AMD1: variants seen among roughly 807,000 people sequenced by gnomAD.
AMD1 encodes the protein adenosylmethionine decarboxylase 1.
Under a neutral mutation model 40.2 loss-of-function variants are expected in AMD1, and 11 were observed. The observed-to-expected ratio is 0.27, with a 90% CI of 0.17 to 0.45. AMD1 has a LOEUF of 0.45. AMD1 is among the 20% of genes least tolerant of loss of function. The probability of loss-of-function intolerance (pLI) is 1.00; values close to 1 mark genes in which losing one functional copy is unlikely to be tolerated. For synonymous variants in AMD1, 121 were observed against 130.8 expected, an observed-to-expected ratio of 0.93 and a Z score of 0.51; for missense variants, 257 against 410.2, an observed-to-expected ratio of 0.63 and a Z score of 3.23.
chr6:110,890,462 A>G (rs966960978), intron 4 of AMD1, 106 bp downstream of exon 4: 5 of 780,930 alleles, frequency 6.4e-6, no homozygotes, highest in Non-Finnish European at 8.4e-6. Flanking sequence ...AGCATTCTAC[A>G]CACACTAATA....
At position 110,892,748 on chromosome 6, in the gene AMD1, G is replaced by A. The variant is rs377343561; in HGVS notation, c.629G>A (p.Arg210His). 9.3e-6 allele frequency: 15 copies of A among 1,612,462 alleles called. No homozygotes were observed. In the African/African-American group the frequency reaches 1.2e-4, roughly 13 times the overall value. ...TTCCCCCCCCAGGAGAGTGGAATTCGTGACCTGATACCAGGTTCTGTCATT... is the reference window on the plus strand; with the variant it reads ...TTCCCCCCCCAGGAGAGTGGAATTCATGACCTGATACCAGGTTCTGTCATT... ...AKDVTRESGI[R>H]DLIPGSVIDA... is the part of the protein sequence containing the mutation. The change falls in exon 7 of 9, where the codon CGT (arginine) becomes CAT (histidine). Residue 210 changes from arginine to histidine, a missense_variant. Arg to His is a conservative substitution (Grantham distance 29, BLOSUM62 0). Transcript: ENST00000368885.
upstream of AMD1, among the ~76,000 whole-genome samples, chr6:110,873,446 A>G (rs966565564): frequency 6.6e-6 from 1 of 152,248 alleles, no homozygotes; most frequent in Admixed American, 6.5e-5. Context: ...GAGACACGTG[A>G]ACCACGTTCT....
the AMD1 span, among the ~76,000 whole-genome samples, chr6:110,828,001 C>G: frequency 6.6e-6 from 1 of 152,166 alleles, no homozygotes; most frequent in African/African-American, 2.4e-5. Context: ...ATAATACACA[C>G]AGTAACACAA....
the AMD1 span, among the ~76,000 whole-genome samples, chr6:110,841,322 C>T: frequency 6.6e-6 from 1 of 152,164 alleles, no homozygotes; most frequent in Non-Finnish European, 1.5e-5. Flanking sequence ...TTCAAGCCTC[C>T]TTGCTTTGTG....
intron 1 of AMD1, among the ~76,000 whole-genome samples, chr6:110,876,171 A>G (rs2115269660): frequency 6.6e-6 from 1 of 152,310 alleles, no homozygotes; most frequent in East Asian, 1.9e-4. Context: ...TTTAGTTGGT[A>G]TTGCTGTGGA....
chr6:110,819,431 A>T, the AMD1 span, among the ~76,000 whole-genome samples: 1 of 152,194 alleles, frequency 6.6e-6, no homozygotes, highest in African/African-American at 2.4e-5. Context: ...AGCACATACT[A>T]TAATTATTTA....
At chr6:110,858,270 C>A in the AMD1 span, 1 of 958,886 alleles carries the variant, frequency 1.0e-6, no homozygotes, top group Non-Finnish European at 1.6e-6. Flanking sequence ...AAGGACCCCT[C>A]GTACGGGCTG....
chr6:110,858,679 G>A, the AMD1 span: 3 of 999,338 alleles, frequency 3.0e-6, no homozygotes, highest in Admixed American at 1.9e-5. Context: ...TTAAGTACTC[G>A]GAGAAGCAGG....
At chr6:110,848,208 A>G in the AMD1 span, among the ~76,000 whole-genome samples, 1 of 151,948 alleles carries the variant, frequency 6.6e-6, no homozygotes, top group Non-Finnish European at 1.5e-5. Context: ...GTCTAATGTG[A>G]TAATAAAGAT....
the AMD1 span, among the ~76,000 whole-genome samples, chr6:110,844,507 T>C: frequency 6.6e-6 from 1 of 151,756 alleles, no homozygotes; most frequent in East Asian, 2.0e-4. Flanking sequence ...CTGGGCTGGG[T>C]GTGGTGGCTC....
At chr6:110,815,956 C>T in the AMD1 span, 5 of 152,304 alleles carry the variant, frequency 3.3e-5, no homozygotes, top group East Asian at 7.7e-4. Context: ...AGAATGACGT[C>T]CTCGTTGGTG....
At chr6:110,833,336 A>T in the AMD1 span, among the ~76,000 whole-genome samples, 5 of 152,188 alleles carry the variant, frequency 3.3e-5, no homozygotes, top group Non-Finnish European at 5.9e-5. Context: ...TAGAATTGGG[A>T]TATAGCACTA....
chr6:110,862,582 T>G, the AMD1 span, among the ~76,000 whole-genome samples: 1 of 151,912 alleles, frequency 6.6e-6, no homozygotes, highest in Non-Finnish European at 1.5e-5. Context: ...TTCTTATGCC[T>G]CAGCCTCCCA....
the AMD1 span, among the ~76,000 whole-genome samples, chr6:110,818,976 G>A: frequency 6.6e-6 from 1 of 152,206 alleles, no homozygotes; most frequent in African/African-American, 2.4e-5. Flanking sequence ...TCAGCCCTGA[G>A]TATTAAGCAA....
chr6:110,833,552 A>G, the AMD1 span, among the ~76,000 whole-genome samples: 4 of 152,250 alleles, frequency 2.6e-5, no homozygotes, highest in African/African-American at 4.8e-5. Context: ...AAATCTTCTC[A>G]GTGACTTTAT....
At chr6:110,854,459 T>C in the AMD1 span, among the ~76,000 whole-genome samples, 1 of 152,224 alleles carries the variant, frequency 6.6e-6, no homozygotes, top group Non-Finnish European at 1.5e-5. Flanking sequence ...TTCTTTCTTT[T>C]TTTTTTTGAA....
the AMD1 span, chr6:110,864,525 A>G: frequency 6.6e-6 from 1 of 152,518 alleles, no homozygotes; most frequent in Admixed American, 6.5e-5. Context: ...AAATCTTACT[A>G]TGAGCAGTAA....
At chr6:110,840,752 G>A in the AMD1 span, among the ~76,000 whole-genome samples, 1 of 151,836 alleles carries the variant, frequency 6.6e-6, no homozygotes, top group African/African-American at 2.4e-5. Context: ...AAAGGGTTGG[G>A]GGGGTGGGGG....
intron 1 of AMD1, among the ~76,000 whole-genome samples, chr6:110,884,053 C>T (rs893980680): frequency 6.6e-6 from 1 of 152,222 alleles, no homozygotes; most frequent in African/African-American, 2.4e-5. Flanking sequence ...CCCTAAACAG[C>T]ACATCAGAGG....
Sources: allele counts gnomAD v4.1 joint callset (sites outside exome capture counted in the v4.1 genomes callset), GRCh38; gene constraint gnomAD v4.1.1; transcripts MANE v1.5; gene names NCBI Gene and HGNC (gene_info 2026-07-23, HGNC 2026-07-21).